The following OLAH variants were observed in gnomAD, a reference collection of about 807,000 sequenced individuals.
OLAH encodes oleoyl-ACP hydrolase, also known as S-acyl fatty acid synthase thioesterase, medium chain.
In OLAH, 33 loss-of-function variants were observed where a neutral mutation model predicts 27.8. That is an observed-to-expected ratio of 1.19 (90% confidence interval 0.90 to 1.59). The LOEUF is 1.59. Ranked by LOEUF, OLAH falls within the 40% of genes most tolerant of loss-of-function variation. The probability of loss-of-function intolerance (pLI) is 0.00; values close to 1 mark genes in which losing one functional copy is unlikely to be tolerated. For missense variants in OLAH, 359 were observed against 310.8 expected (o/e 1.16, Z -1.17); for synonymous variants, 120 against 102.9 (o/e 1.17, Z -1.01).
intron 1 of OLAH, among the ~76,000 whole-genome samples, chr10:15,037,470 A>G (rs1843858573): frequency 6.6e-6 from 1 of 151,898 alleles, no homozygotes; most frequent in African/African-American, 2.4e-5. Context: ...AATCCCAGCT[A>G]CTCAGCAGGC....
Position 15,049,700 on chromosome 10 carries a change from C to T in OLAH, c.98C>T (p.Pro33Leu), listed in dbSNP as rs780446779. The change falls in exon 3 of 8, where the codon CCC becomes CTC. Residue 33 changes from proline (P) to leucine (L), a missense_variant. Physicochemically the swap from Pro to Leu is moderately conservative, Grantham distance 98. Coordinates refer to ENST00000378228, the MANE Select transcript of OLAH (RefSeq NM_001039702.3). Reference sequence around the variant, plus strand: ...GCAACTTTTAAGCTGATTTGCTTTCCCTGGATGGGAGGTGGCTCCACTCAT... The same window carrying T: ...GCAACTTTTAAGCTGATTTGCTTTCTCTGGATGGGAGGTGGCTCCACTCAT... ...PEATFKLICF[P>L]WMGGGSTHFA... The T allele has an allele frequency of 9.3e-6, 15 of 1,609,606 alleles. No individual in the cohort carries two copies. In the Admixed American group the frequency reaches 1.7e-4, roughly 18 times the overall value.
At chr10:15,053,375 G>A (rs1435212991) in intron 3 of OLAH, among the ~76,000 whole-genome samples, 1 of 152,184 alleles carries the variant, frequency 6.6e-6, no homozygotes, top group Non-Finnish European at 1.5e-5. Flanking sequence ...AACTGGTCAA[G>A]TGGATTCACA....
chr10:15,049,179 A>G (rs1362191646), intron 2 of OLAH, among the ~76,000 whole-genome samples: 4 of 139,620 alleles, frequency 2.9e-5, no homozygotes, highest in Non-Finnish European at 6.0e-5. Flanking sequence ...TGTCACTGAG[A>G]CTGGAATTCA....
chr10:15,070,562 G>A (rs1459239572), intron 6 of OLAH, among the ~76,000 whole-genome samples: 1 of 152,002 alleles, frequency 6.6e-6, no homozygotes, highest in East Asian at 1.9e-4. Context: ...TTGGCTCACC[G>A]CAACCTCTGC....
At chr10:15,039,012 C>T (rs1019740718), upstream of OLAH, among the ~76,000 whole-genome samples, 1 of 152,062 alleles carries the variant, frequency 6.6e-6, no homozygotes, top group Non-Finnish European at 1.5e-5. Flanking sequence ...TGCTTGAAGT[C>T]AGGAATTCGA....
chr10:15,037,418 T>C (rs1336294767), intron 1 of OLAH, among the ~76,000 whole-genome samples: 1 of 151,812 alleles, frequency 6.6e-6, no homozygotes, highest in Non-Finnish European at 1.5e-5. Context: ...CCGTCTCTAC[T>C]AAAAATACAA....
chr10:15,068,459 C>T (rs1299089976), intron 6 of OLAH, among the ~76,000 whole-genome samples: 1 of 152,180 alleles, frequency 6.6e-6, no homozygotes, highest in African/African-American at 2.4e-5. Flanking sequence ...ATGGCGCGAT[C>T]TCAGCTCACT....
At chr10:15,049,822 A>T (rs1844098554) in intron 3 of OLAH, 57 bp downstream of exon 3, 15 of 1,526,120 alleles carry the variant, frequency 9.8e-6, no homozygotes, top group Non-Finnish European at 8.8e-7. Context: ...ACATAAATGT[A>T]TTAGAATTTG....
rs781521311 is a variant in OLAH at position 15,073,221 on chromosome 10, A to C, written c.790A>C (p.Asn264His). 3.1e-5 allele frequency: 49 copies of C among 1,576,092 alleles called. No individual in the cohort carries two copies. The highest frequency in any genetic ancestry group is 3.5e-5 in the Non-Finnish European group (40 of 1,154,522). ...GTGTCTAGAAGTATCATCGATATCC[A>C]ATTTTTAGATATTTTCCCTTTCACT... is the stretch of plus-strand genomic sequence containing the variant. The part of the protein sequence containing the change: ...IKCLEVSSIS[N>H]F Residue 264 changes from asparagine to histidine, a missense_variant, in exon 8 of 8, where the codon AAT becomes CAT. Asn to His is a moderately conservative substitution (Grantham distance 68, BLOSUM62 1). Coordinates refer to ENST00000378228, the MANE Select transcript of OLAH (RefSeq NM_001039702.3).
intron 4 of OLAH, among the ~76,000 whole-genome samples, chr10:15,063,014 C>T (rs989272237): frequency 3.9e-5 from 6 of 152,158 alleles, no homozygotes; most frequent in Admixed American, 3.9e-4. Flanking sequence ...GCTGGGATTA[C>T]AGGTGTGAGC....
chr10:15,058,326 A>C (rs1844286841), intron 3 of OLAH, among the ~76,000 whole-genome samples: 1 of 151,876 alleles, frequency 6.6e-6, no homozygotes, highest in Non-Finnish European at 1.5e-5. Context: ...CTCCTGAGCC[A>C]AAGCAATCCT....
chr10:15,068,091 G>T (rs557170175), intron 6 of OLAH: 2 of 152,080 alleles, frequency 1.3e-5, no homozygotes, highest in Non-Finnish European at 2.9e-5. Flanking sequence ...CTTCAAGGCC[G>T]CTGACTTTCT....
chr10:15,055,899 G>A (rs1844236347), intron 3 of OLAH, among the ~76,000 whole-genome samples: 1 of 150,934 alleles, frequency 6.6e-6, no homozygotes, highest in Non-Finnish European at 1.5e-5. Context: ...CCTCAGGCTG[G>A]AGTGCAGTGG....
intron 4 of OLAH, among the ~76,000 whole-genome samples, chr10:15,063,377 C>G (rs1038794592): frequency 1.3e-5 from 2 of 152,300 alleles, no homozygotes; most frequent in East Asian, 3.9e-4. Context: ...GTGATCCACC[C>G]ACCTCCGCCT....
chr10:15,047,856 C>A (rs1844052534), intron 2 of OLAH, among the ~76,000 whole-genome samples: 1 of 152,106 alleles, frequency 6.6e-6, no homozygotes, highest in African/African-American at 2.4e-5. Flanking sequence ...GAAAATCTCT[C>A]ATTTTATGAG....
chr10:15,060,975 T>G (rs1414913693), intron 3 of OLAH, among the ~76,000 whole-genome samples: 1 of 152,204 alleles, frequency 6.6e-6, no homozygotes, highest in Non-Finnish European at 1.5e-5. Context: ...GTGTATTTAT[T>G]CATTAGGAGA....
intron 3 of OLAH, among the ~76,000 whole-genome samples, chr10:15,054,279 G>A (rs562775201): frequency 6.6e-6 from 1 of 152,106 alleles, no homozygotes; most frequent in Non-Finnish European, 1.5e-5. Context: ...GATCTCAAGT[G>A]ATCCACCCGC....
chr10:15,037,091 T>C (rs1008294814), intron 1 of OLAH, among the ~76,000 whole-genome samples: 1 of 144,802 alleles, frequency 6.9e-6, no homozygotes, highest in Admixed American at 7.0e-5. Context: ...AATAAATAAA[T>C]CAACAAACAA....
chr10:15,072,635 T>C (rs2131384879), intron 7 of OLAH, among the ~76,000 whole-genome samples: 1 of 152,112 alleles, frequency 6.6e-6, no homozygotes, highest in Admixed American at 6.6e-5. Context: ...GGAATGTTTC[T>C]GTGTGAGCGA....
Sources: gnomAD v4.1 joint callset for allele counts (sites outside exome capture counted in the v4.1 genomes callset) on GRCh38, gnomAD v4.1.1 for gene constraint, MANE v1.5 for transcripts, NCBI Gene and HGNC (gene_info 2026-07-23, HGNC 2026-07-21) for gene names.